RAD51B: variants seen among roughly 807,000 people sequenced by gnomAD.
The protein encoded by RAD51B is DNA repair protein RAD51 homolog 2.
Under a neutral mutation model 42.2 loss-of-function variants are expected in RAD51B, and 38 were observed. The observed-to-expected ratio is 0.90, with a 90% CI of 0.70 to 1.18. The LOEUF is 1.18. Among genes scored for constraint, RAD51B ranks in the 50% most tolerant of loss-of-function variants. RAD51B has a pLI of 0.00. For missense variants in RAD51B, 373 were observed against 400.7 expected (o/e 0.93, Z 0.59); for synonymous variants, 154 against 145.2 (o/e 1.06, Z -0.43).
intron 10 of RAD51B, among the ~76,000 whole-genome samples, chr14:68,650,037 C>A (rs947773858): frequency 6.6e-6 from 1 of 152,090 alleles, no homozygotes; most frequent in Non-Finnish European, 1.5e-5. Flanking sequence ...TAAAGTCACT[C>A]CCCCCGCAGA....
Position 68,524,626 on chromosome 14 carries a change from C to T in RAD51B, c.1036+56376C>T, listed in dbSNP as rs74871166. ...GAGATTTTAGAACTGAGTTAACTCA[C>T]GTTCTCCTACAAACTGTCCCTTGTA... On this transcript the variant is annotated intron_variant, in intron 10 of 10. Coordinates refer to the RAD51B transcript ENST00000487270. Among the ~76,000 whole-genome samples the T allele has an allele frequency of 2.5e-3, 376 of 152,338 alleles. 3 individuals are homozygous for T. Among genetic ancestry groups the T allele is most frequent in the Admixed American group, 3.6e-3 (55 of 15,302 alleles).
intron 7 of RAD51B, among the ~76,000 whole-genome samples, chr14:68,054,224 A>G (rs1339704794): frequency 6.6e-6 from 1 of 152,152 alleles, no homozygotes; most frequent in Non-Finnish European, 1.5e-5. Context: ...ATCCCTGAGC[A>G]TGTGTTGCAT....
intron 7 of RAD51B, among the ~76,000 whole-genome samples, chr14:68,138,050 A>G (rs936202307): frequency 3.9e-5 from 6 of 152,180 alleles, no homozygotes; most frequent in Non-Finnish European, 7.3e-5. Flanking sequence ...TTGCTCATCC[A>G]GCCATAGTCT....
chr14:68,336,037 C>T (rs968662860), intron 8 of RAD51B, among the ~76,000 whole-genome samples: 1 of 152,160 alleles, frequency 6.6e-6, no homozygotes, highest in African/African-American at 2.4e-5. Context: ...AGTTACTTAA[C>T]CTGTCTGTGC....
chr14:68,658,726 G>A (rs73287719), intron 11 of RAD51B, among the ~76,000 whole-genome samples: 2,638 of 152,248 alleles, frequency 0.017, 65 homozygotes, highest in African/African-American at 0.047. Flanking sequence ...CATCATCCTC[G>A]TCCTCCTGAT....
intron 8 of RAD51B, among the ~76,000 whole-genome samples, chr14:68,379,984 G>C (rs1403138159): frequency 6.6e-6 from 1 of 152,204 alleles, no homozygotes; most frequent in South Asian, 2.1e-4. Flanking sequence ...ATTGTCATAC[G>C]ATTGCATTGT....
At chr14:68,297,392 T>C (rs2081635835) in intron 8 of RAD51B, among the ~76,000 whole-genome samples, 1 of 152,350 alleles carries the variant, frequency 6.6e-6, no homozygotes, top group Admixed American at 6.5e-5. Flanking sequence ...TTAAATTGTG[T>C]GTATTTTCAG....
At chr14:68,531,178 G>T (rs1887282092) in intron 10 of RAD51B, among the ~76,000 whole-genome samples, 1 of 149,248 alleles carries the variant, frequency 6.7e-6, no homozygotes, top group African/African-American at 2.5e-5. Context: ...AATGAAAGAA[G>T]ACAGGAAAGA....
chr14:67,973,902 ATTTC>A (rs2074943398), intron 7 of RAD51B, among the ~76,000 whole-genome samples: 1 of 152,088 alleles, frequency 6.6e-6, no homozygotes. Context: ...TCATTTTCTT[ATTTC>A]TTATGTTTCT....
intron 8 of RAD51B, among the ~76,000 whole-genome samples, chr14:68,379,552 C>T (rs1283349538): frequency 6.6e-6 from 1 of 152,112 alleles, no homozygotes; most frequent in Non-Finnish European, 1.5e-5. Flanking sequence ...ATACTTACTC[C>T]CACCATAGGG....
intron 10 of RAD51B, among the ~76,000 whole-genome samples, chr14:68,619,212 C>A (rs866268278): frequency 6.6e-6 from 1 of 152,144 alleles, no homozygotes; most frequent in East Asian, 1.9e-4. Flanking sequence ...TGGTGGCTCA[C>A]GCCTGTAATC....
At chr14:68,626,348 T>C (rs989591443) in intron 10 of RAD51B, among the ~76,000 whole-genome samples, 10 of 152,204 alleles carry the variant, frequency 6.6e-5, no homozygotes, top group African/African-American at 2.4e-4. Flanking sequence ...CCATACCCCA[T>C]CTAGCATTTC....
intron 7 of RAD51B, among the ~76,000 whole-genome samples, chr14:68,117,762 G>A (rs1304036430): frequency 1.3e-5 from 2 of 152,164 alleles, no homozygotes; most frequent in Non-Finnish European, 2.9e-5. Context: ...AATGAGGAGT[G>A]ATTTTTAAAA....
chr14:68,269,251 A>G (rs2081055121), intron 7 of RAD51B, among the ~76,000 whole-genome samples: 1 of 152,194 alleles, frequency 6.6e-6, no homozygotes, highest in Non-Finnish European at 1.5e-5. Flanking sequence ...CATAAACCAG[A>G]TCATGTCAGT....
chr14:68,371,695 A>G (rs1566839742), intron 8 of RAD51B, among the ~76,000 whole-genome samples: 1 of 152,078 alleles, frequency 6.6e-6, no homozygotes, highest in South Asian at 2.1e-4. Context: ...AAAAAAAATA[A>G]ACAAAATTAA....
At chr14:68,384,884 C>T (rs1176536320) in intron 8 of RAD51B, among the ~76,000 whole-genome samples, 3 of 152,158 alleles carry the variant, frequency 2.0e-5, no homozygotes, top group Admixed American at 2.0e-4. Flanking sequence ...TTGTGGGTGA[C>T]AGTTGTGTTT....
intron 8 of RAD51B, among the ~76,000 whole-genome samples, chr14:68,336,380 C>T (rs2082455364): frequency 6.6e-6 from 1 of 152,184 alleles, no homozygotes; most frequent in Non-Finnish European, 1.5e-5. Flanking sequence ...TGTCATACAT[C>T]TGTGGTAATG....
intron 7 of RAD51B, among the ~76,000 whole-genome samples, chr14:68,066,304 G>T (rs554758948): frequency 6.6e-6 from 1 of 150,722 alleles, no homozygotes; most frequent in South Asian, 2.1e-4. Flanking sequence ...AGTGTAATGG[G>T]GGATTTGGTA....
intron 9 of RAD51B, among the ~76,000 whole-genome samples, chr14:68,417,917 A>G (rs1159641171): frequency 2.0e-5 from 3 of 152,208 alleles, no homozygotes; most frequent in African/African-American, 4.8e-5. Flanking sequence ...CACAGGTACA[A>G]TGACTCCCAC....
Sources: allele counts gnomAD v4.1 joint callset (sites outside exome capture counted in the v4.1 genomes callset), GRCh38; gene constraint gnomAD v4.1.1; transcripts MANE v1.5; gene names NCBI Gene and HGNC (gene_info 2026-07-23, HGNC 2026-07-21).